SLCO3A1: variants seen among roughly 807,000 people sequenced by gnomAD.
The protein encoded by SLCO3A1 is solute carrier organic anion transporter family member 3A1, also known as PGE1 transporter.
SLCO3A1 carries 27 observed loss-of-function variants against 63.1 expected under a neutral mutation model. That is an observed-to-expected ratio of 0.43 (90% CI 0.32 to 0.59). The LOEUF (loss-of-function observed/expected upper bound fraction) is 0.59, where lower values mean the gene tolerates loss of function less well. Ranked by LOEUF, SLCO3A1 falls within the 20% of genes least tolerant of loss-of-function variation. The pLI is 0.09. For synonymous variants in SLCO3A1, 473 were observed against 409.9 expected, an observed-to-expected ratio of 1.15 and a Z score of -1.86; for missense variants, 773 against 945.8, an observed-to-expected ratio of 0.82 and a Z score of 2.40.
chr15:92,148,613 ATCACTCCTT>A (rs753823051), intron 8 of SLCO3A1: 13 of 152,236 alleles, frequency 8.5e-5, no homozygotes, highest in Admixed American at 3.9e-4. Flanking sequence ...GGAAAAGGCT[ATCACTCCTT>A]TCAAAAAAGC....
chr15:92,009,299 C>T (rs2046345041), intron 2 of SLCO3A1, among the ~76,000 whole-genome samples: 1 of 152,186 alleles, frequency 6.6e-6, no homozygotes, highest in Non-Finnish European at 1.5e-5. Flanking sequence ...TAGTCCAGGG[C>T]CCACAGCTCA....
At position 92,165,822 on chromosome 15, in the gene SLCO3A1, G is replaced by A. The variant is rs2151607669; in HGVS notation, c.*2687G>A. 9 of 985,280 alleles carry A rather than the reference G, an allele frequency of 9.1e-6. No individual in the cohort carries two copies. The highest frequency in any genetic ancestry group is 1.1e-5 in the Non-Finnish European group (9 of 829,828). The allele number at this position is 985,280 out of a possible 1,614,324, so 61.0% of individuals were successfully genotyped here. On this transcript the variant is annotated 3_prime_UTR_variant, in exon 10 of 10. Coordinates refer to ENST00000318445, the MANE Select transcript of SLCO3A1 (RefSeq NM_013272.4). ...CCCTCGATTATCTGTTTGGTTTCAA[G>A]TGAATGAAAAGATTTCCTGGTAAGA...
intron 9 of SLCO3A1, among the ~76,000 whole-genome samples, chr15:92,157,906 AAGTTGTGTGAATCACAC>A (rs1429612745): frequency 2.0e-5 from 3 of 152,186 alleles, no homozygotes; most frequent in African/African-American, 7.2e-5. Context: ...AGATTCACTC[AAGTTGTGTGAATCACAC>A]AGTTCCCAAG....
chr15:91,964,330 TATTTG>T (rs1340874172), intron 2 of SLCO3A1, among the ~76,000 whole-genome samples: 1 of 152,062 alleles, frequency 6.6e-6, no homozygotes, highest in African/African-American at 2.4e-5. Flanking sequence ...TTAGGTGAAA[TATTTG>T]ATAGTGCTTT....
chr15:91,999,436 A>G (rs2046227968), intron 2 of SLCO3A1, among the ~76,000 whole-genome samples: 1 of 152,242 alleles, frequency 6.6e-6, no homozygotes, highest in South Asian at 2.1e-4. Context: ...TGGGTATAAA[A>G]TAGGAAGAGG....
At chr15:91,990,150 T>C (rs2046108382) in intron 2 of SLCO3A1, among the ~76,000 whole-genome samples, 1 of 152,192 alleles carries the variant, frequency 6.6e-6, no homozygotes, top group African/African-American at 2.4e-5. Context: ...TTTTTTTCTT[T>C]GGAGGCAGTC....
intron 2 of SLCO3A1, among the ~76,000 whole-genome samples, chr15:92,083,208 G>A (rs891351479): frequency 4.6e-5 from 7 of 152,184 alleles, no homozygotes; most frequent in Admixed American, 6.6e-5. Flanking sequence ...TTTCCTCGAA[G>A]TTGAGTCAAG....
At chr15:91,908,775 A>AT in intron 1 of SLCO3A1, 1 of 139,730 alleles carries the variant, frequency 7.2e-6, no homozygotes, top group East Asian at 2.0e-4. Context: ...AAAAAAAAAA[A>AT]CTTGGCCGGG....
rs1380271781 is a variant in SLCO3A1 at position 91,897,833 on chromosome 15, G to A, written c.181-18160G>A. On this transcript the variant is annotated intron_variant, in intron 1 of 9. Coordinates refer to ENST00000318445, the MANE Select transcript of SLCO3A1 (RefSeq NM_013272.4). This position sits in a 1 kb window ranked among gnomAD's most constrained non-coding sequence, Gnocchi z 4.7. ...CCTGCTCAGGCATCCTGCAATGGAT[G>A]ACATGTGAGCATGAGGATGGGTGCG... Among the ~76,000 whole-genome samples, 1 of 152,214 alleles carries A rather than the reference G, an allele frequency of 6.6e-6. No homozygotes were observed. Among genetic ancestry groups the A allele is most frequent in the Non-Finnish European group, 1.5e-5 (1 of 68,044 alleles).
chr15:91,867,649 T>G (rs1897197754), intron 1 of SLCO3A1, among the ~76,000 whole-genome samples: 1 of 152,046 alleles, frequency 6.6e-6, no homozygotes, highest in Non-Finnish European at 1.5e-5. Context: ...CAGTTTACAG[T>G]TTAAAAATTG....
chr15:92,153,802 G>A (rs935008356), intron 9 of SLCO3A1, among the ~76,000 whole-genome samples: 6 of 152,138 alleles, frequency 3.9e-5, no homozygotes, highest in African/African-American at 7.2e-5. Flanking sequence ...GTAAAAGCCC[G>A]GGGATGAACA....
chr15:92,104,257 G>A, intron 3 of SLCO3A1, 22 bp from the exon 4 acceptor site: 1 of 1,613,236 alleles, frequency 6.2e-7, no homozygotes, highest in Non-Finnish European at 8.5e-7. Flanking sequence ...TCTCCACTAA[G>A]CTGTGCTCTT....
At chr15:92,079,624 G>A (rs539472199) in intron 2 of SLCO3A1, among the ~76,000 whole-genome samples, 18 of 152,332 alleles carry the variant, frequency 1.2e-4, no homozygotes, top group African/African-American at 3.6e-4. Context: ...ACACAATCAC[G>A]TGCTGAGGTT....
At chr15:92,119,381 G>A (rs1567130111) in intron 4 of SLCO3A1, among the ~76,000 whole-genome samples, 1 of 152,150 alleles carries the variant, frequency 6.6e-6, no homozygotes, top group Non-Finnish European at 1.5e-5. Context: ...CTGCTTTCCG[G>A]CTCTGTCATT....
intron 2 of SLCO3A1, among the ~76,000 whole-genome samples, chr15:92,006,768 T>C (rs1314482844): frequency 6.6e-6 from 1 of 152,252 alleles, no homozygotes; most frequent in Non-Finnish European, 1.5e-5. Context: ...TAGATGTGTC[T>C]AGTGCAGAGA....
chr15:92,108,736 G>A (rs1399580250), intron 4 of SLCO3A1, among the ~76,000 whole-genome samples: 1 of 152,166 alleles, frequency 6.6e-6, no homozygotes, highest in Non-Finnish European at 1.5e-5. Flanking sequence ...GCATCAGGCA[G>A]TCTCTTGTTT....
intron 1 of SLCO3A1, among the ~76,000 whole-genome samples, chr15:91,868,295 AC>A (rs759108639): frequency 2.0e-4 from 29 of 143,030 alleles, no homozygotes; most frequent in Non-Finnish European, 2.8e-4. Context: ...GAGGTGATCC[AC>A]CTGGCTCGGC....
At chr15:91,864,149 A>G (rs2141843466) in intron 1 of SLCO3A1, among the ~76,000 whole-genome samples, 1 of 152,334 alleles carries the variant, frequency 6.6e-6, no homozygotes. Flanking sequence ...AGAGATGGAC[A>G]TGTGCAATCG....
At chr15:91,929,344 T>C (rs1899142102) in intron 2 of SLCO3A1, among the ~76,000 whole-genome samples, 1 of 152,164 alleles carries the variant, frequency 6.6e-6, no homozygotes, top group Non-Finnish European at 1.5e-5. Flanking sequence ...GTCATTGAGA[T>C]AGCGTTTTGG....
Sources: allele counts gnomAD v4.1 joint callset (sites outside exome capture counted in the v4.1 genomes callset), GRCh38; gene constraint gnomAD v4.1.1; non-coding constraint Gnocchi (gnomAD v3.1); transcripts MANE v1.5; gene names NCBI Gene and HGNC (gene_info 2026-07-23, HGNC 2026-07-21).